The following RSBN1 variants were observed in gnomAD, a reference collection of about 807,000 sequenced individuals.
RSBN1 encodes lysine-specific demethylase 9.
Under a neutral mutation model 74.8 loss-of-function variants are expected in RSBN1, and 23 were observed. The observed-to-expected ratio is 0.31, with a 90% CI of 0.22 to 0.44. The LOEUF (loss-of-function observed/expected upper bound fraction) is 0.44. Ranked by LOEUF, RSBN1 falls within the 20% of genes least tolerant of loss-of-function variation. The pLI is 1.00. For missense variants in RSBN1, 808 were observed against 1,020.9 expected (o/e 0.79, Z 2.84); for synonymous variants, 407 against 379.6 (o/e 1.07, Z -0.84).
intron 6 of RSBN1, among the ~76,000 whole-genome samples, chr1:113,766,674 T>TA (rs547198658): frequency 2.3e-4 from 35 of 152,338 alleles, no homozygotes; most frequent in African/African-American, 8.2e-4. Context: ...AAGTACAGGT[T>TA]AAAATCAGAA....
At chr1:113,774,988 T>C (rs1208534197) in intron 4 of RSBN1, among the ~76,000 whole-genome samples, 1 of 151,948 alleles carries the variant, frequency 6.6e-6, no homozygotes, top group African/African-American at 2.4e-5. Flanking sequence ...TATGGCTATA[T>C]ATAATTTGAA....
intron 1 of RSBN1, among the ~76,000 whole-genome samples, chr1:113,803,459 A>G (rs1179816497): frequency 1.3e-5 from 2 of 152,236 alleles, no homozygotes; most frequent in African/African-American, 2.4e-5. Context: ...TATTCCCAAC[A>G]ATAATGAATG....
At chr1:113,798,964 C>A (rs929869332) in intron 1 of RSBN1, among the ~76,000 whole-genome samples, 1 of 152,126 alleles carries the variant, frequency 6.6e-6, no homozygotes, top group African/African-American at 2.4e-5. Context: ...CTGCTATGGG[C>A]TCCCTTAAGC....
intron 2 of RSBN1, among the ~76,000 whole-genome samples, chr1:113,779,376 C>T (rs925331879): frequency 6.6e-6 from 1 of 152,016 alleles, no homozygotes; most frequent in Non-Finnish European, 1.5e-5. Flanking sequence ...GAAAAAAAGG[C>T]TGTAGATCTT....
chr1:113,777,283 T>C lies in RSBN1; in HGVS notation c.1585A>G (p.Ile529Val), dbSNP rs1444397195. ...TGTTCTCCTGGCCTTACCCACATTA[T>C]AGGCCCATCATCACTCTGGGACCTA... ...QCRSQSDDGPIMWVRPGEQMI... is the reference protein window; with the variant it reads ...QCRSQSDDGPVMWVRPGEQMI... Residue 529 changes from isoleucine to valine, a missense_variant, in exon 4 of 7, where the codon ATA (isoleucine) becomes GTA (valine). Ile to Val is a conservative substitution (Grantham distance 29). Coordinates refer to ENST00000261441, the MANE Select transcript of RSBN1 (RefSeq NM_018364.5). 1 of 1,613,472 alleles carries C rather than the reference T, an allele frequency of 6.2e-7. No homozygotes were observed. The highest frequency in any genetic ancestry group is 8.5e-7 in the Non-Finnish European group (1 of 1,179,572).
intron 1 of RSBN1, among the ~76,000 whole-genome samples, chr1:113,809,319 A>C (rs1660781181): frequency 1.3e-5 from 2 of 152,340 alleles, no homozygotes; most frequent in African/African-American, 4.8e-5. Context: ...AGACAGGAAA[A>C]GTGCAGTTGA....
At chr1:113,779,458 TC>T (rs1187411351) in intron 2 of RSBN1, among the ~76,000 whole-genome samples, 1 of 152,282 alleles carries the variant, frequency 6.6e-6, no homozygotes, top group East Asian at 1.9e-4. Context: ...TTTAGATGAT[TC>T]TTAAGCAGCA....
chr1:113,793,777 T>A (rs1271702073), intron 2 of RSBN1, among the ~76,000 whole-genome samples: 1 of 151,830 alleles, frequency 6.6e-6, no homozygotes, highest in East Asian at 1.9e-4. Flanking sequence ...ACCTCCCAGG[T>A]TCAAGCCAGC....
chr1:113,788,659 C>T (rs1161187004), intron 2 of RSBN1, among the ~76,000 whole-genome samples: 1 of 151,966 alleles, frequency 6.6e-6, no homozygotes, highest in African/African-American at 2.4e-5. Flanking sequence ...AGAAAAATGA[C>T]CCATCAATCA....
chr1:113,807,145 T>C (rs1356697304), intron 1 of RSBN1, among the ~76,000 whole-genome samples: 1 of 151,178 alleles, frequency 6.6e-6, no homozygotes, highest in Non-Finnish European at 1.5e-5. Context: ...AAACCCCGTC[T>C]CTACTGAAAA....
rs1394083428 is a variant in RSBN1, at chr1:113,766,075, G to A, written c.2314C>T (p.Gln772Ter). 6.2e-7 allele frequency: 1 copy of A among 1,614,098 alleles called. No individual in the cohort carries two copies. Among genetic ancestry groups the A allele is most frequent in the Non-Finnish European group, 8.5e-7 (1 of 1,179,966 alleles). The change falls in exon 7 of 7, where the codon CAG (glutamine) becomes TAG (stop). Residue 772 changes from glutamine to a stop codon, truncating the protein, a stop_gained. Coordinates refer to ENST00000261441, the MANE Select transcript of RSBN1 (RefSeq NM_018364.5). LOFTEE classifies it high-confidence loss of function. ...PASELNLQQD[Q>*]KTQPIPVLKV... ...AAAACTGGAATAGGCTGAGTCTTCT[G>A]ATCTTGCTGTAGATTAAGTTCTGAT... is the stretch of plus-strand genomic sequence containing the variant.
chr1:113,771,541 A>G (rs1392758711), intron 4 of RSBN1, among the ~76,000 whole-genome samples: 1 of 151,810 alleles, frequency 6.6e-6, no homozygotes, highest in Non-Finnish European at 1.5e-5. Flanking sequence ...GTATGAAAAA[A>G]ATTCTAAAAG....
intron 3 of RSBN1, 88 bp from the exon 4 acceptor site, chr1:113,777,440 G>T: frequency 1.5e-6 from 2 of 1,314,752 alleles, no homozygotes; most frequent in Non-Finnish European, 2.1e-6. Flanking sequence ...TTCTAAGAAG[G>T]CTTTTTTACA....
chr1:113,779,234 A>G (rs1660090488), intron 2 of RSBN1, among the ~76,000 whole-genome samples: 1 of 152,218 alleles, frequency 6.6e-6, no homozygotes, highest in Non-Finnish European at 1.5e-5. Flanking sequence ...TTTTGCCTTA[A>G]TAGGAAACAG....
intron 1 of RSBN1, among the ~76,000 whole-genome samples, chr1:113,808,085 A>G (rs1435396521): frequency 6.6e-6 from 1 of 152,108 alleles, no homozygotes; most frequent in Non-Finnish European, 1.5e-5. Context: ...TGGTACCGAC[A>G]CTCCAGAAAA....
intron 1 of RSBN1, 43 bp downstream of exon 1, chr1:113,811,665 TGA>T (rs1385255416): frequency 1.3e-6 from 2 of 1,527,264 alleles, no homozygotes; most frequent in East Asian, 2.3e-5. Flanking sequence ...ATATCGGAAC[TGA>T]GAGAGACCTA....
Position 113,765,825 on chromosome 1 carries a change from T to TA in RSBN1, c.*154dup, listed in dbSNP as rs1659768379. The TA allele has an allele frequency of 1.6e-6, 1 of 635,326 alleles. No homozygotes were observed. The highest frequency in any genetic ancestry group is 2.7e-6 in the Non-Finnish European group (1 of 370,512). 39.4% of individuals were successfully genotyped at this position (635,326 alleles called of 1,614,324 possible). On this transcript the variant is annotated 3_prime_UTR_variant, in exon 7 of 7. Coordinates refer to ENST00000261441, the MANE Select transcript of RSBN1 (RefSeq NM_018364.5). The stretch of plus-strand genomic sequence containing the variant: ...AACTCTTAACTTTGCATAATCTGTG[T>TA]AAAAAAGATATGCTTGACATTTGTG...
intron 1 of RSBN1, among the ~76,000 whole-genome samples, chr1:113,801,449 T>C (rs1230978047): frequency 1.3e-5 from 2 of 152,226 alleles, no homozygotes; most frequent in Non-Finnish European, 2.9e-5. Context: ...GGCATATGTA[T>C]AAACAAGTTA....
chr1:113,804,552 A>G (rs989833848), intron 1 of RSBN1, among the ~76,000 whole-genome samples: 3 of 152,184 alleles, frequency 2.0e-5, no homozygotes, highest in Admixed American at 6.5e-5. Flanking sequence ...TTAGATGATC[A>G]ACTAAGATTA....
Sources: gnomAD v4.1 joint callset for allele counts (sites outside exome capture counted in the v4.1 genomes callset) on GRCh38, gnomAD v4.1.1 for gene constraint, MANE v1.5 for transcripts, NCBI Gene and HGNC (gene_info 2026-07-23, HGNC 2026-07-21) for gene names.